The following ATAD5 variants were observed in gnomAD, a reference collection of about 807,000 sequenced individuals.
ATAD5 encodes ATPase family AAA domain-containing protein 5.
Under a neutral mutation model 176.9 loss-of-function variants are expected in ATAD5, and 58 were observed. The observed-to-expected ratio is 0.33, with a 90% CI of 0.27 to 0.41. The LOEUF (loss-of-function observed/expected upper bound fraction) is 0.41. Ranked by LOEUF, ATAD5 falls within the 10% of genes least tolerant of loss-of-function variation. The pLI is 1.00. For synonymous variants in ATAD5, 640 were observed against 712.6 expected, an observed-to-expected ratio of 0.90 and a Z score of 1.62; for missense variants, 1,789 against 2,094.1, an observed-to-expected ratio of 0.85 and a Z score of 2.84.
intron 6 of ATAD5, among the ~76,000 whole-genome samples, chr17:30,854,805 A>G (rs924568107): frequency 6.6e-6 from 1 of 152,044 alleles, no homozygotes; most frequent in Non-Finnish European, 1.5e-5. Flanking sequence ...GGAAGGCTAG[A>G]TAGAGTACAG....
chr17:30,856,894 A>T, intron 7 of ATAD5, 61 bp from the exon 8 acceptor site: 1 of 1,397,958 alleles, frequency 7.2e-7, no homozygotes, highest in Non-Finnish European at 9.5e-7. Flanking sequence ...CGTATTTGAC[A>T]TTCAGTAAAT....
chr17:30,875,464 A>G (rs1908599042), intron 14 of ATAD5, among the ~76,000 whole-genome samples: 1 of 151,988 alleles, frequency 6.6e-6, no homozygotes, highest in African/African-American at 2.4e-5. Flanking sequence ...GTGTAGAAAA[A>G]AATGAACAGA....
intron 10 of ATAD5, 40 bp from the exon 11 acceptor site, chr17:30,865,664 C>T: frequency 7.9e-7 from 1 of 1,260,604 alleles, no homozygotes; most frequent in Non-Finnish European, 1.1e-6. Context: ...ATGTTTATGT[C>T]AAGGAATGAA....
rs573584982 is a variant in ATAD5, at chr17:30,849,008, C to T, written c.2450+4092C>T. ...GCATCAGCCTCCTGAGTAGCTGGGA[C>T]GACAGGCCTACGCCACCATGCTCGG... On this transcript the variant is annotated intron_variant, in intron 6 of 22. Transcript: ENST00000321990. Among the ~76,000 whole-genome samples, 3 of 152,134 alleles carry T rather than the reference C, an allele frequency of 2.0e-5. No individual in the cohort carries two copies. The South Asian group carries it at 6.2e-4, about 32-fold the overall frequency.
In ATAD5 at chr17:30,835,198, A is replaced by T; in HGVS notation, c.1117A>T (p.Ile373Leu). ...TVQKRKSNVV[I>L]QEEELELAVL... ...TCAGAAAAGAAAATCTAATGTTGTT[A>T]TACAGGAGGAAGAATTAGAATTGGC... Residue 373 changes from isoleucine (I) to leucine (L), a missense_variant, in exon 2 of 23, where the codon ATA becomes TTA. By Grantham distance (5) the Ile-to-Leu change is conservative. This residue lies in a region of ATAD5 where 696 missense variants were observed against 712.5 expected (regional missense o/e 0.98). Coordinates refer to ENST00000321990, the MANE Select transcript of ATAD5 (RefSeq NM_024857.5). 1 of 1,614,034 alleles carries T rather than the reference A, an allele frequency of 6.2e-7. No homozygotes were observed. The highest frequency in any genetic ancestry group is 8.5e-7 in the Non-Finnish European group (1 of 1,179,954).
chr17:30,834,287 C>G lies in ATAD5; in HGVS notation c.206C>G (p.Thr69Ser), dbSNP rs1431268072. Reference protein sequence around the residue: ...PSNILDYFRKTSPTNEKTQLG... With the variant: ...PSNILDYFRKSSPTNEKTQLG... ...AATATTCTGGATTATTTTAGAAAGA[C>G]TTCACCCACAAATGAGAAGACACAA... is the stretch of plus-strand genomic sequence containing the variant. The change falls in exon 2 of 23, where the codon ACT becomes AGT. Residue 69 changes from threonine (T) to serine (S), a missense_variant. Around this residue, in one of 6 missense-constraint regions of ATAD5, gnomAD observed 696 missense variants for 712.5 expected, o/e 0.98. Coordinates refer to ENST00000321990, the MANE Select transcript of ATAD5 (RefSeq NM_024857.5). The G allele has an allele frequency of 1.2e-6, 2 of 1,613,492 alleles. No homozygotes were observed. The highest frequency in any genetic ancestry group is 4.5e-5 in the East Asian group (2 of 44,818).
Position 30,834,857 on chromosome 17 carries a change from A to T in ATAD5, c.776A>T (p.Asn259Ile). 6.2e-7 allele frequency: 1 copy of T among 1,613,436 alleles called. No individual in the cohort carries two copies. Among genetic ancestry groups the T allele is most frequent in the Non-Finnish European group, 8.5e-7 (1 of 1,179,630 alleles). ...RDNVTEAAQL[N>I]DSIITVSYEE... ...AACGTAACTGAAGCAGCCCAGTTAA[A>T]TGATAGTATAATAACTGTCTCATAT... Residue 259 changes from asparagine to isoleucine, a missense_variant, in exon 2 of 23, where the codon AAT becomes ATT. Transcript: ENST00000321990.
At chr17:30,860,015 C>T (rs1433693355) in intron 9 of ATAD5, among the ~76,000 whole-genome samples, 1,531 of 124,954 alleles carry the variant, frequency 0.012, 43 homozygotes, top group South Asian at 0.034. Flanking sequence ...TGAGCCACCG[C>T]GCCTGGCCTA....
chr17:30,841,954 G>T (rs1417765872), intron 4 of ATAD5, among the ~76,000 whole-genome samples: 2 of 151,770 alleles, frequency 1.3e-5, no homozygotes, highest in Admixed American at 1.3e-4. Flanking sequence ...TATATAAAAA[G>T]AAAAATAAAA....
At chr17:30,880,522 C>T (rs910659230) in intron 18 of ATAD5, among the ~76,000 whole-genome samples, 6 of 150,954 alleles carry the variant, frequency 4.0e-5, no homozygotes, top group Admixed American at 6.6e-5. Context: ...GCAGGAGAAT[C>T]GCTTGAATTT....
intron 14 of ATAD5, among the ~76,000 whole-genome samples, chr17:30,870,116 A>G (rs1908253557): frequency 1.3e-5 from 2 of 151,918 alleles, no homozygotes; most frequent in African/African-American, 4.8e-5. Flanking sequence ...CCCATCTCCA[A>G]AAAAAAAGAT....
intron 6 of ATAD5, among the ~76,000 whole-genome samples, chr17:30,853,379 CT>C (rs1006703990): frequency 1.2e-4 from 18 of 151,636 alleles, no homozygotes; most frequent in African/African-American, 3.9e-4. Context: ...CCTTGTACCC[CT>C]CTCCTTAACA....
In ATAD5 at chr17:30,860,384, G is replaced by C. The variant is rs1241773104; in HGVS notation, c.2957-49G>C. On this transcript the variant is annotated intron_variant, in intron 9 of 22. Coordinates refer to ENST00000321990, the MANE Select transcript of ATAD5 (RefSeq NM_024857.5). ...ACTTGGAAGTGATATTAATATTACT[G>C]GTTTTTGTTGATTAGTAAGCACATG... 5 of 1,543,004 alleles carry C rather than the reference G, an allele frequency of 3.2e-6. No homozygotes were observed. The African/African-American group carries it at 5.6e-5, about 17-fold the overall frequency.
chr17:30,840,863 A>G (rs933340945), intron 4 of ATAD5, 82 bp downstream of exon 4: 6 of 1,382,958 alleles, frequency 4.3e-6, no homozygotes, highest in Non-Finnish European at 5.9e-6. Context: ...TTATAAAGTT[A>G]TAAGGTAGGT....
chr17:30,844,531 T>C (rs1906348964), intron 5 of ATAD5, among the ~76,000 whole-genome samples: 1 of 147,848 alleles, frequency 6.8e-6, no homozygotes, highest in African/African-American at 2.6e-5. Flanking sequence ...AGTAAAGTTA[T>C]GGTATAGTGA....
At position 30,834,328 on chromosome 17, in the gene ATAD5, A is replaced by C. The variant is rs557643881; in HGVS notation, c.247A>C (p.Lys83Gln). 295 of 1,612,120 alleles carry C rather than the reference A, an allele frequency of 1.8e-4. 4 individuals carry two copies. The South Asian group carries it at 3.2e-3, about 17-fold the overall frequency. The change falls in exon 2 of 23, where the codon AAG becomes CAG. Residue 83 changes from lysine to glutamine, a missense_variant. Physicochemically the swap from Lys to Gln is moderately conservative, Grantham distance 53. Transcript: ENST00000321990. ...NEKTQLGKEC[K>Q]IKSPESVPVD... ...GAAGACACAATTAGGGAAAGAGTGC[A>C]AGATAAAGTCACCTGAATCAGTACC...
chr17:30,884,239 C>T (rs1909182052), intron 18 of ATAD5, among the ~76,000 whole-genome samples: 1 of 150,198 alleles, frequency 6.7e-6, no homozygotes, highest in Non-Finnish European at 1.5e-5. Flanking sequence ...GTCATGCAAC[C>T]TCTGCCTTTG....
intron 19 of ATAD5, 102 bp from the exon 20 acceptor site, chr17:30,892,505 G>C: frequency 6.2e-6 from 4 of 647,166 alleles, no homozygotes; most frequent in Non-Finnish European, 9.7e-6. Flanking sequence ...CTAAATGGGG[G>C]TATTTGTCCA....
chr17:30,860,739 A>ATTTTCT lies in ATAD5; in HGVS notation c.3136+138_3136+143dup, dbSNP rs370513654. 1,523 of 850,394 alleles carry ATTTTCT rather than the reference A, an allele frequency of 1.8e-3. 23 individuals are homozygous for ATTTTCT. In the African/African-American group the frequency reaches 0.025, roughly 14 times the overall value. The allele number at this position is 850,394 out of a possible 1,614,324, so 52.7% of individuals were successfully genotyped here. On this transcript the variant is annotated intron_variant, in intron 10 of 22. Transcript: ENST00000321990. ...TAATTCAATTGTATTTTAATTTTAGATTTTCTTTTTCTTTTTTGAGACACA... is the reference window on the plus strand; with the variant it reads ...TAATTCAATTGTATTTTAATTTTAGATTTTCTTTTTCTTTTTCTTTTTTGAGACACA...
Sources: allele counts gnomAD v4.1 joint callset (sites outside exome capture counted in the v4.1 genomes callset), GRCh38; gene constraint gnomAD v4.1.1; regional missense constraint gnomAD v4.1.1; transcripts MANE v1.5; gene names NCBI Gene and HGNC (gene_info 2026-07-23, HGNC 2026-07-21).